Variants in MELK observed in about 807,000 individuals in gnomAD.
MELK encodes the protein maternal embryonic leucine zipper kinase, also known as pEg3 kinase.
Under a neutral mutation model 85.0 loss-of-function variants are expected in MELK, and 81 were observed. That is an observed-to-expected ratio of 0.95 (90% CI 0.80 to 1.15). The LOEUF (loss-of-function observed/expected upper bound fraction) is 1.15. MELK is among the 50% of genes most tolerant of loss of function. The pLI, the probability that MELK is intolerant of heterozygous loss-of-function variation, is 0.00. For synonymous variants in MELK, 252 were observed against 265.0 expected (o/e 0.95, Z 0.48); for missense variants, 754 against 777.5 (o/e 0.97, Z 0.36).
chr9:36,642,203 G>T (rs924588608), intron 10 of MELK, among the ~76,000 whole-genome samples: 4 of 151,974 alleles, frequency 2.6e-5, no homozygotes, highest in Non-Finnish European at 4.4e-5. Flanking sequence ...CGATCGTGTG[G>T]CATCTATGGC....
chr9:36,659,293 G>A (rs1831565192), intron 13 of MELK, among the ~76,000 whole-genome samples: 1 of 152,226 alleles, frequency 6.6e-6, no homozygotes, highest in Admixed American at 6.5e-5. Context: ...TGGGATTACA[G>A]GCATGAGCCA....
chr9:36,598,388 C>T (rs1372156400), intron 6 of MELK, among the ~76,000 whole-genome samples: 1 of 152,116 alleles, frequency 6.6e-6, no homozygotes, highest in Non-Finnish European at 1.5e-5. Flanking sequence ...ATTGCCTCAG[C>T]CTTCTTCCAA....
At chr9:36,634,495 G>T (rs1055670218) in intron 10 of MELK, among the ~76,000 whole-genome samples, 1 of 152,154 alleles carries the variant, frequency 6.6e-6, no homozygotes, top group African/African-American at 2.4e-5. Flanking sequence ...CGTATTACTT[G>T]AGGTCAGGAG....
intron 8 of MELK, among the ~76,000 whole-genome samples, chr9:36,626,583 C>A (rs1193999618): frequency 6.6e-6 from 1 of 152,090 alleles, no homozygotes; most frequent in African/African-American, 2.4e-5. Flanking sequence ...AATTTCCAGG[C>A]CTTTTCCCTG....
At chr9:36,615,535 G>A (rs1306463254) in intron 8 of MELK, among the ~76,000 whole-genome samples, 10 of 137,882 alleles carry the variant, frequency 7.3e-5, no homozygotes, top group African/African-American at 2.2e-4. Context: ...GCTGCCGGGC[G>A]GAGACGCTCC....
chr9:36,598,543 G>T (rs1824552768), intron 6 of MELK, among the ~76,000 whole-genome samples: 1 of 152,154 alleles, frequency 6.6e-6, no homozygotes, highest in South Asian at 2.1e-4. Context: ...GAGGGCAGAG[G>T]AGGATGAGCA....
chr9:36,661,947 A>C (rs56354174), intron 13 of MELK, among the ~76,000 whole-genome samples: 11,652 of 151,130 alleles, frequency 0.077, 613 homozygotes, highest in Middle Eastern at 0.15. Flanking sequence ...AAAAAAAAAA[A>C]AAAAAAAAAC....
intron 13 of MELK, among the ~76,000 whole-genome samples, chr9:36,658,812 C>T (rs1292015699): frequency 1.3e-5 from 2 of 152,042 alleles, no homozygotes; most frequent in African/African-American, 2.4e-5. Flanking sequence ...AGCAATTCTC[C>T]TGCCTCAGCC....
chr9:36,646,786 C>T (rs1235012259), intron 11 of MELK, among the ~76,000 whole-genome samples: 2 of 152,256 alleles, frequency 1.3e-5, no homozygotes, highest in Non-Finnish European at 2.9e-5. Flanking sequence ...GTAGGGGCCA[C>T]TCCTCCGTGT....
chr9:36,581,795 A>G (rs978541752), intron 2 of MELK, 56 bp downstream of exon 2: 2 of 1,414,468 alleles, frequency 1.4e-6, no homozygotes, highest in African/African-American at 2.9e-5. Context: ...GAGAGTATAG[A>G]TTATTTGGGT....
chr9:36,642,938 G>T, intron 10 of MELK, 59 bp from the exon 11 acceptor site: 1 of 1,237,314 alleles, frequency 8.1e-7, no homozygotes, highest in East Asian at 2.6e-5. Flanking sequence ...TTTAAAATGT[G>T]AAAACATTGA....
chr9:36,630,978 T>A (rs868315878), intron 9 of MELK, among the ~76,000 whole-genome samples: 10 of 140,712 alleles, frequency 7.1e-5, no homozygotes, highest in African/African-American at 1.6e-4. Flanking sequence ...TTTTTTTTTT[T>A]ATTTAGATGG....
At chr9:36,615,383 C>T (rs1185895890) in intron 8 of MELK, among the ~76,000 whole-genome samples, 16 of 132,856 alleles carry the variant, frequency 1.2e-4, no homozygotes, top group South Asian at 2.4e-4. Flanking sequence ...CACGGCTGGC[C>T]GGGCGGGGGG....
At chr9:36,621,548 G>A (rs888774316) in intron 8 of MELK, among the ~76,000 whole-genome samples, 1 of 152,108 alleles carries the variant, frequency 6.6e-6, no homozygotes, top group African/African-American at 2.4e-5. Context: ...GCTAGTAAGA[G>A]GTAGATCCTG....
At chr9:36,667,132 A>G (rs1832453255) in intron 14 of MELK, among the ~76,000 whole-genome samples, 1 of 151,138 alleles carries the variant, frequency 6.6e-6, no homozygotes, top group Non-Finnish European at 1.5e-5. Flanking sequence ...TCATTCAACG[A>G]TCTTTTTTTT....
At chr9:36,657,458 A>C in intron 13 of MELK, 95 bp downstream of exon 13, 1 of 1,349,100 alleles carries the variant, frequency 7.4e-7, no homozygotes, top group Non-Finnish European at 1.0e-6. Context: ...TTGCAAATTT[A>C]ATGAATGCTT....
At chr9:36,636,773 T>TG (rs1333849841) in intron 10 of MELK, among the ~76,000 whole-genome samples, 44 of 129,516 alleles carry the variant, frequency 3.4e-4, no homozygotes, top group African/African-American at 1.3e-3. Context: ...TCTTTCTTTC[T>TG]TTCTTTCTTT....
At chr9:36,599,586 T>A in intron 7 of MELK, 100 bp downstream of exon 7, 1 of 706,508 alleles carries the variant, frequency 1.4e-6, no homozygotes, top group Non-Finnish European at 2.4e-6. Context: ...AATGATGAAG[T>A]AAGAAATAAT....
At chr9:36,622,925 G>T (rs1587471811) in intron 8 of MELK, among the ~76,000 whole-genome samples, 1 of 152,092 alleles carries the variant, frequency 6.6e-6, no homozygotes, top group East Asian at 1.9e-4. Flanking sequence ...TCTGTTTCTT[G>T]CTCTCCTTTG....
Sources: gnomAD v4.1 joint callset for allele counts (sites outside exome capture counted in the v4.1 genomes callset) on GRCh38, gnomAD v4.1.1 for gene constraint, MANE v1.5 for transcripts, NCBI Gene and HGNC (gene_info 2026-07-23, HGNC 2026-07-21) for gene names.